The following RYR3 variants were observed in gnomAD, a reference collection of about 807,000 sequenced individuals.
RYR3 encodes brain ryanodine receptor-calcium release channel.
Under a neutral mutation model 584.3 loss-of-function variants are expected in RYR3, and 207 were observed. That is an observed-to-expected ratio of 0.35 (90% CI 0.32 to 0.40). RYR3 has a LOEUF of 0.40. Ranked by LOEUF, RYR3 falls within the 10% of genes least tolerant of loss-of-function variation. The pLI is 1.00. For synonymous variants in RYR3, 2,416 were observed against 2,248.5 expected (o/e 1.07, Z -2.11); for missense variants, 5,616 against 6,089.2 (o/e 0.92, Z 2.59).
At chr15:33,556,618 G>A (rs1284232007) in intron 10 of RYR3, among the ~76,000 whole-genome samples, 2 of 152,096 alleles carry the variant, frequency 1.3e-5, no homozygotes, top group Admixed American at 6.6e-5. Flanking sequence ...TTTCCCACAC[G>A]AAGTCTGTTA....
intron 1 of RYR3, among the ~76,000 whole-genome samples, chr15:33,442,407 G>A (rs2046302743): frequency 6.6e-6 from 1 of 152,052 alleles, no homozygotes; most frequent in Non-Finnish European, 1.5e-5. Flanking sequence ...ATTAATATTA[G>A]GTAGTTTAAA....
rs1403612490 is a variant in RYR3 at position 33,744,499 on chromosome 15, C to A, written c.7900-1569C>A. 5.3e-5 allele frequency among the ~76,000 whole-genome samples: 8 copies of A among 152,230 alleles called. No individual in the cohort carries two copies. The East Asian group carries it at 1.5e-3, about 29-fold the overall frequency. On this transcript the variant is annotated intron_variant, in intron 52 of 103. Coordinates refer to ENST00000634891, the MANE Select transcript of RYR3 (RefSeq NM_001036.6). ...AAGCCTCATGATCTTGTGGGAGAAA[C>A]AAAATGAACCAGCCATTGTGGGGCA...
intron 2 of RYR3, among the ~76,000 whole-genome samples, chr15:33,486,930 G>A (rs529402588): frequency 7.2e-5 from 11 of 152,176 alleles, no homozygotes; most frequent in African/African-American, 2.6e-4. Flanking sequence ...GGCGCAGTGG[G>A]TCATGACTGT....
Position 33,512,595 on chromosome 15 carries a change from C to T in RYR3, c.279+8857C>T, listed in dbSNP as rs140476095. Among the ~76,000 whole-genome samples, 276 of 152,264 alleles carry T rather than the reference C, an allele frequency of 1.8e-3. 2 individuals carry two copies. The highest frequency in any genetic ancestry group is 6.0e-3 in the African/African-American group (248 of 41,546). On this transcript the variant is annotated intron_variant, in intron 3 of 103. Transcript: ENST00000634891. ...GATCAATATGCCTGTCTGATCCTGG[C>T]GGTGTTTTTGCAAATGTGTTAACAT...
At position 33,663,826 on chromosome 15, in the gene RYR3, G is replaced by A. The variant is rs2063310122; in HGVS notation, c.5619+89G>A. On this transcript the variant is annotated intron_variant, in intron 36 of 103. Coordinates refer to ENST00000634891, the MANE Select transcript of RYR3 (RefSeq NM_001036.6). ...GCACATGAAACCTCTATGGTCTCTG[G>A]GGCAGCCTCAAGAGCTATGGAAGAT... The A allele has an allele frequency of 3.5e-6, 4 of 1,151,946 alleles. No individual in the cohort carries two copies. The Admixed American group carries it at 7.0e-5, about 20-fold the overall frequency. 71.4% of individuals were successfully genotyped at this position (1,151,946 alleles called of 1,614,324 possible).
At chr15:33,670,643 AG>A (rs1424505135) in intron 38 of RYR3, 87 bp downstream of exon 38, 3 of 1,328,350 alleles carry the variant, frequency 2.3e-6, no homozygotes, top group East Asian at 4.9e-5. Flanking sequence ...TAAGATAGAT[AG>A]GGGCTGCTTA....
In RYR3 at chr15:33,819,160, C is replaced by G. The variant is rs1489142399; in HGVS notation, c.10706+476C>G. 4.6e-5 allele frequency among the ~76,000 whole-genome samples: 7 copies of G among 152,196 alleles called. No individual in the cohort carries two copies. In the East Asian group the frequency reaches 1.4e-3, roughly 30 times the overall value. On this transcript the variant is annotated intron_variant, in intron 76 of 103. Coordinates refer to ENST00000634891, the MANE Select transcript of RYR3 (RefSeq NM_001036.6). ...ACATGTCTAGGGAAACTACATCAAG[C>G]CACAGCCTGCTCTTCATAATGTCAG... is the stretch of plus-strand genomic sequence containing the variant.
intron 43 of RYR3, among the ~76,000 whole-genome samples, chr15:33,719,638 G>A (rs959002070): frequency 6.6e-6 from 1 of 152,186 alleles, no homozygotes; most frequent in Non-Finnish European, 1.5e-5. Flanking sequence ...AAGTACTGGA[G>A]GCCAAAACCA....
chr15:33,538,140 T>C (rs1410472314), intron 5 of RYR3, among the ~76,000 whole-genome samples: 1 of 152,200 alleles, frequency 6.6e-6, no homozygotes, highest in Non-Finnish European at 1.5e-5. Flanking sequence ...ATCTTTGCTT[T>C]CTCCAAGTCT....
intron 69 of RYR3, among the ~76,000 whole-genome samples, chr15:33,803,224 AT>A (rs2076008326): frequency 6.6e-6 from 1 of 152,250 alleles, no homozygotes; most frequent in African/African-American, 2.4e-5. Flanking sequence ...GACAAACAAA[AT>A]TACGTACATA....
At chr15:33,864,394 T>C (rs149380457) in intron 103 of RYR3, among the ~76,000 whole-genome samples, 3 of 151,484 alleles carry the variant, frequency 2.0e-5, no homozygotes, top group African/African-American at 7.2e-5. Context: ...TAAATGCTTA[T>C]AGCTACTGCT....
intron 12 of RYR3, among the ~76,000 whole-genome samples, chr15:33,570,697 C>G (rs1283567333): frequency 4.6e-5 from 7 of 152,136 alleles, no homozygotes; most frequent in Non-Finnish European, 8.8e-5. Context: ...CTCATTAAGT[C>G]TTCCAATCTT....
intron 85 of RYR3, among the ~76,000 whole-genome samples, chr15:33,830,484 A>G (rs185499527): frequency 2.0e-5 from 3 of 152,392 alleles, no homozygotes; most frequent in Non-Finnish European, 1.5e-5. Context: ...ACTTTGATGT[A>G]CGCTGAGAAA....
chr15:33,701,112 T>C lies in RYR3; in HGVS notation c.6483+32T>C. 2.0e-6 allele frequency: 3 copies of C among 1,480,292 alleles called. No individual in the cohort carries two copies. In the South Asian group the frequency reaches 3.5e-5, roughly 17 times the overall value. 91.7% of individuals were successfully genotyped at this position (1,480,292 alleles called of 1,614,324 possible). A position where few individuals can be genotyped will look rare whatever the true frequency, so the allele number is the denominator to read the frequency against. On this transcript the variant is annotated intron_variant, in intron 42 of 103. Transcript: ENST00000634891. ...GGCCCTTGGGGTGGCAGTGTGGTGT[T>C]CTCTTCGGCCTGTAGTGCAGCTAAG...
At chr15:33,508,446 G>A (rs1596414287) in intron 3 of RYR3, among the ~76,000 whole-genome samples, 1 of 152,016 alleles carries the variant, frequency 6.6e-6, no homozygotes, top group Admixed American at 6.5e-5. Flanking sequence ...TCAGGAGATC[G>A]AGACCATCCT....
chr15:33,696,074 C>A, intron 38 of RYR3, 144 bp from the exon 39 acceptor site: 1 of 678,970 alleles, frequency 1.5e-6, no homozygotes, highest in Non-Finnish European at 2.4e-6. Context: ...GGATTATAGG[C>A]ATGAGCCACT....
intron 2 of RYR3, among the ~76,000 whole-genome samples, chr15:33,477,635 G>A (rs936013248): frequency 1.5e-4 from 23 of 149,240 alleles, no homozygotes; most frequent in African/African-American, 5.2e-4. Context: ...CAGTACTTTA[G>A]GAGGCCGAGA....
intron 54 of RYR3, 74 bp downstream of exon 54, chr15:33,748,334 G>T: frequency 1.3e-6 from 2 of 1,570,046 alleles, no homozygotes; most frequent in East Asian, 2.3e-5. Context: ...TCTGCCTGGG[G>T]CATCGTAGGT....
At chr15:33,847,471 C>A (rs1032473129) in intron 93 of RYR3, 1 of 152,210 alleles carries the variant, frequency 6.6e-6, no homozygotes, top group Non-Finnish European at 1.5e-5. Flanking sequence ...GCTTTTCTGG[C>A]TAGAGGAGCT....
Sources: allele counts gnomAD v4.1 joint callset (sites outside exome capture counted in the v4.1 genomes callset), GRCh38; gene constraint gnomAD v4.1.1; transcripts MANE v1.5; gene names NCBI Gene and HGNC (gene_info 2026-07-23, HGNC 2026-07-21).